The following DIP2A variants were observed in gnomAD, a reference collection of about 807,000 sequenced individuals.
The protein encoded by DIP2A is DIP2 acetate--CoA ligase A, also known as disco-interacting protein 2 homolog A.
Under a neutral mutation model 177.4 loss-of-function variants are expected in DIP2A, and 85 were observed. The ratio of observed to expected loss-of-function variants is 0.48; its 90% confidence interval spans 0.40 to 0.57. DIP2A has a LOEUF of 0.57. DIP2A is among the 20% of genes least tolerant of loss of function. The probability of loss-of-function intolerance (pLI) is 0.00; values close to 1 mark genes in which losing one functional copy is unlikely to be tolerated. For synonymous variants in DIP2A, 886 were observed against 881.8 expected (o/e 1.00, Z -0.08); for missense variants, 1,791 against 2,100.2 (o/e 0.85, Z 2.88).
At position 46,541,839 on chromosome 21, in the gene DIP2A, C is replaced by G. The variant is rs568624616; in HGVS notation, c.2120C>G (p.Thr707Ser). Reference sequence around the variant, plus strand: ...AGTTATGGTGTTATCAGAGTGGATACTGAAGAAAAGTTGTCAGTCCTTACT... The same window carrying G: ...AGTTATGGTGTTATCAGAGTGGATAGTGAAGAAAAGTTGTCAGTCCTTACT... ...GLSYGVIRVD[T>S]EEKLSVLTVQ... The change falls in exon 18 of 38, where the codon ACT becomes AGT. Residue 707 changes from threonine (T) to serine (S), a missense_variant. By Grantham distance (58) the Thr-to-Ser change is moderately conservative (BLOSUM62 1). Transcript: ENST00000417564. 1 of 1,613,794 alleles carries G rather than the reference C, an allele frequency of 6.2e-7. No homozygotes were observed. The highest frequency in any genetic ancestry group is 8.5e-7 in the Non-Finnish European group (1 of 1,179,884).
intron 32 of DIP2A, chr21:46,558,714 A>G (rs2060561406): frequency 6.0e-6 from 2 of 334,016 alleles, no homozygotes; most frequent in South Asian, 3.0e-5. Context: ...TAAGATATCT[A>G]GCAATATTAA....
intron 16 of DIP2A, chr21:46,539,643 C>T (rs1265390238): frequency 9.2e-6 from 5 of 542,098 alleles, no homozygotes; most frequent in South Asian, 7.8e-5. Flanking sequence ...AGTGATGCCC[C>T]TTCTGCCCTT....
intron 18 of DIP2A, among the ~76,000 whole-genome samples, chr21:46,543,588 C>T (rs965591922): frequency 1.4e-5 from 1 of 73,066 alleles, no homozygotes; most frequent in African/African-American, 5.8e-5. Context: ...CCATGACCCT[C>T]CACAGCCCCC....
At chr21:46,479,859 A>G (rs1024740102) in intron 1 of DIP2A, among the ~76,000 whole-genome samples, 4 of 152,172 alleles carry the variant, frequency 2.6e-5, no homozygotes, top group African/African-American at 9.7e-5. Context: ...TTGCAGTCAG[A>G]TAGGCTCTAC....
intron 22 of DIP2A, chr21:46,550,121 A>G: frequency 8.8e-7 from 1 of 1,142,658 alleles, no homozygotes; most frequent in Non-Finnish European, 1.2e-6. Flanking sequence ...TCACCTCAAT[A>G]TTTATTTTTT....
At chr21:46,463,688 G>GTGTGTGTGTGTGTGTGTGTA (rs2054531553) in intron 1 of DIP2A, among the ~76,000 whole-genome samples, 1 of 127,686 alleles carries the variant, frequency 7.8e-6, no homozygotes, top group Non-Finnish European at 1.6e-5. Context: ...ATTTGTGTGT[G>GTGTGTGTGTGTGTGTGTGTA]TGTGTGTGTG....
chr21:46,459,955 T>G (rs1175324791), intron 1 of DIP2A, among the ~76,000 whole-genome samples: 1 of 152,142 alleles, frequency 6.6e-6, no homozygotes, highest in Non-Finnish European at 1.5e-5. Context: ...CTGGGCTTGG[T>G]CTGGGCTTCA....
intron 18 of DIP2A, 33 bp from the exon 19 acceptor site, chr21:46,545,104 C>G (rs1184471602): frequency 1.9e-6 from 3 of 1,561,316 alleles, no homozygotes; most frequent in East Asian, 4.6e-5. Flanking sequence ...TAAACACGTT[C>G]TTGATAATTT....
chr21:46,495,943 G>A (rs1395573350), intron 3 of DIP2A, among the ~76,000 whole-genome samples: 2 of 151,950 alleles, frequency 1.3e-5, no homozygotes, highest in Non-Finnish European at 1.5e-5. Context: ...GTGGTGGGGG[G>A]TGCCTGTAAT....
intron 1 of DIP2A, among the ~76,000 whole-genome samples, chr21:46,483,283 C>T (rs2056470766): frequency 6.6e-6 from 1 of 150,646 alleles, no homozygotes; most frequent in African/African-American, 2.5e-5. Context: ...AAAAAAGTTT[C>T]TAAAAGACAC....
rs2060522272 is a variant in DIP2A, at chr21:46,557,875, C to T, written c.3798+122C>T. The stretch of plus-strand genomic sequence containing the variant: ...CTGCAGTTGGAGGAAGTAGAGAAAA[C>T]CCTTTCCCACTAGGGGCCCTATGTA... On this transcript the variant is annotated intron_variant, in intron 31 of 37. Coordinates refer to ENST00000417564, the MANE Select transcript of DIP2A (RefSeq NM_015151.4). This position sits in a 1 kb window ranked among gnomAD's most constrained non-coding sequence, Gnocchi z 6.0. 3 of 1,243,888 alleles carry T rather than the reference C, an allele frequency of 2.4e-6. No individual in the cohort carries two copies. Among genetic ancestry groups the T allele is most frequent in the Non-Finnish European group, 3.3e-6 (3 of 913,732 alleles). The allele number at this position is 1,243,888 out of a possible 1,614,324, so 77.1% of individuals were successfully genotyped here. A position where few individuals can be genotyped will look rare whatever the true frequency, so the allele number is the denominator to read the frequency against.
intron 8 of DIP2A, among the ~76,000 whole-genome samples, chr21:46,512,809 AAAC>A (rs1316665959): frequency 1.7e-4 from 15 of 86,584 alleles, no homozygotes; most frequent in Non-Finnish European, 3.3e-4. Context: ...TTAAAAAAAA[AAAC>A]AAACAAAACA....
intron 23 of DIP2A, 94 bp downstream of exon 23, chr21:46,550,838 C>T (rs983580277): frequency 1.4e-5 from 18 of 1,260,630 alleles, no homozygotes; most frequent in South Asian, 2.7e-5. Context: ...CCTCCAGTGC[C>T]AACTGCCCAC....
intron 1 of DIP2A, among the ~76,000 whole-genome samples, chr21:46,472,114 G>C (rs537515703): frequency 6.6e-6 from 1 of 152,152 alleles, no homozygotes; most frequent in African/African-American, 2.4e-5. Flanking sequence ...AGGTCAAGGG[G>C]GTGGGCCCTC....
intron 1 of DIP2A, among the ~76,000 whole-genome samples, chr21:46,480,260 A>G (rs2056246429): frequency 6.6e-6 from 1 of 152,138 alleles, no homozygotes; most frequent in Admixed American, 6.5e-5. Flanking sequence ...GGGACGTCCT[A>G]CGTGGTGGCA....
At chr21:46,474,504 T>A (rs1175607264) in intron 1 of DIP2A, among the ~76,000 whole-genome samples, 1 of 152,186 alleles carries the variant, frequency 6.6e-6, no homozygotes, top group Non-Finnish European at 1.5e-5. Context: ...ACAGAACATG[T>A]GTGGGCATCT....
At chr21:46,582,552 G>T in the DIP2A span, among the ~76,000 whole-genome samples, 1 of 152,286 alleles carries the variant, frequency 6.6e-6, no homozygotes, top group East Asian at 1.9e-4. Flanking sequence ...CCTTGGCTGG[G>T]GATGGGAGCT....
At chr21:46,524,948 G>A (rs1415723598) in intron 8 of DIP2A, among the ~76,000 whole-genome samples, 5 of 130,088 alleles carry the variant, frequency 3.8e-5, no homozygotes, top group South Asian at 2.4e-4. Context: ...GTGCTGTGGC[G>A]TGATCTTGGC....
At chr21:46,542,634 A>G (rs2148822192) in intron 18 of DIP2A, among the ~76,000 whole-genome samples, 1 of 152,340 alleles carries the variant, frequency 6.6e-6, no homozygotes. Flanking sequence ...GAGTGGGGAC[A>G]CTGCCACGTG....
Sources: allele counts gnomAD v4.1 joint callset (sites outside exome capture counted in the v4.1 genomes callset), GRCh38; gene constraint gnomAD v4.1.1; non-coding constraint Gnocchi (gnomAD v3.1); transcripts MANE v1.5; gene names NCBI Gene and HGNC (gene_info 2026-07-23, HGNC 2026-07-21).